MTFR2: variants seen among roughly 807,000 people sequenced by gnomAD.
The protein encoded by MTFR2 is mitochondrial fission regulator 2.
A neutral mutation model predicts 41.2 loss-of-function variants in MTFR2; 44 were observed. The ratio of observed to expected loss-of-function variants is 1.07; its 90% CI spans 0.84 to 1.37. The LOEUF is 1.37. Ranked by LOEUF, MTFR2 falls within the 40% of genes most tolerant of loss-of-function variation. The probability of loss-of-function intolerance (pLI) is 0.00; values close to 1 mark genes in which losing one functional copy is unlikely to be tolerated. For synonymous variants in MTFR2, 141 were observed against 154.6 expected, an observed-to-expected ratio of 0.91 and a Z score of 0.65; for missense variants, 452 against 459.5, an observed-to-expected ratio of 0.98 and a Z score of 0.15.
chr6:136,231,691 AAG>A (rs1330257090), intron 7 of MTFR2, among the ~76,000 whole-genome samples: 5 of 148,772 alleles, frequency 3.4e-5, no homozygotes, highest in Admixed American at 2.1e-4. Flanking sequence ...AAAAAAAAAA[AAG>A]AAGATTATCT....
chr6:136,232,687 T>C lies in MTFR2; in HGVS notation c.1044+638A>G, dbSNP rs189218731. Among the ~76,000 whole-genome samples the C allele has an allele frequency of 3.0e-3, 456 of 152,324 alleles. 3 individuals carry two copies. The highest frequency in any genetic ancestry group is 4.2e-3 in the Non-Finnish European group (289 of 68,018). On this transcript the variant is annotated intron_variant, in intron 7 of 7. Coordinates refer to ENST00000420702, the MANE Select transcript of MTFR2 (RefSeq NM_001099286.3). ...CTCCTGTCATTCTCAAGGCTTATTC[T>C]TATGTGTTAATACTACCTCAACTAA...
At position 136,231,190 on chromosome 6, in the gene MTFR2, C is replaced by G. The variant is rs953764633; in HGVS notation, c.*85G>C. 1 of 891,884 alleles carries G rather than the reference C, an allele frequency of 1.1e-6. No individual in the cohort carries two copies. The highest frequency in any genetic ancestry group is 1.7e-5 in the African/African-American group (1 of 59,170). 55.2% of individuals were successfully genotyped at this position (891,884 alleles called of 1,614,324 possible). The stretch of plus-strand genomic sequence containing the variant: ...GTCTTTAAATACATCTACTTTTAGC[C>G]TTTAACAGTCCAAATCAGTTTCTAA... On this transcript the variant is annotated 3_prime_UTR_variant, in exon 8 of 8. Transcript: ENST00000420702.
intron 6 of MTFR2, among the ~76,000 whole-genome samples, chr6:136,234,954 G>C (rs1779865884): frequency 6.6e-6 from 1 of 152,198 alleles, no homozygotes; most frequent in Non-Finnish European, 1.5e-5. Context: ...CTGGAGTATA[G>C]TGGCTCACTG....
chr6:136,247,473 G>A lies in MTFR2; in HGVS notation c.63+1564C>T, dbSNP rs144582074. The A allele has an allele frequency of 2.3e-4, 106 of 455,204 alleles. 1 individual carries two copies. Among genetic ancestry groups the A allele is most frequent in the African/African-American group, 1.3e-3 (64 of 50,070 alleles). 28.2% of individuals were successfully genotyped at this position (455,204 alleles called of 1,614,324 possible). On this transcript the variant is annotated intron_variant, in intron 2 of 7. Transcript: ENST00000420702. The stretch of plus-strand genomic sequence containing the variant: ...CTTGCCCAACTACCTTCTCAAAGGC[G>A]GTGCTCAATCCTCTCTCATGTGGAT...
intron 6 of MTFR2, among the ~76,000 whole-genome samples, chr6:136,239,199 A>G (rs1261331792): frequency 6.6e-6 from 1 of 152,214 alleles, no homozygotes; most frequent in African/African-American, 2.4e-5. Flanking sequence ...CTAAGAAAAT[A>G]TATTCCTAAT....
At position 136,233,254 on chromosome 6, in the gene MTFR2, A is replaced by G. The variant is rs753846900; in HGVS notation, c.1044+71T>C. On this transcript the variant is annotated intron_variant, in intron 7 of 7. Coordinates refer to ENST00000420702, the MANE Select transcript of MTFR2 (RefSeq NM_001099286.3). ...GCACAATTACTTCAAGAGAACTTGA[A>G]CACAAAGCTGTAACATAAACAACAC... The G allele has an allele frequency of 2.2e-6, 3 of 1,346,336 alleles. No homozygotes were observed. The Admixed American group carries it at 5.5e-5, about 25-fold the overall frequency. The allele number at this position is 1,346,336 out of a possible 1,614,324, so 83.4% of individuals were successfully genotyped here.
chr6:136,243,052 G>A (rs1232551387), intron 3 of MTFR2, 79 bp from the exon 4 acceptor site: 3 of 835,822 alleles, frequency 3.6e-6, no homozygotes, highest in Non-Finnish European at 5.4e-6. Context: ...TATTAAATTA[G>A]TTAACAATCC....
chr6:136,242,887 A>C lies in MTFR2; in HGVS notation c.255T>G (p.Asp85Glu). Residue 85 changes from aspartate to glutamate, a missense_variant, in exon 4 of 8, where the codon GAT becomes GAG. By Grantham distance (45) the Asp-to-Glu change is conservative. Coordinates refer to ENST00000420702, the MANE Select transcript of MTFR2 (RefSeq NM_001099286.3). Reference protein sequence around the residue: ...SFADILYVANDEEASYLRFRN... With the variant: ...SFADILYVANEEEASYLRFRN... Reference sequence around the variant, plus strand: ...GAAATCTGAGATAACTGGCTTCTTCATCATTTGCCACATACAAAATATCAG... The same window carrying C: ...GAAATCTGAGATAACTGGCTTCTTCCTCATTTGCCACATACAAAATATCAG... The C allele has an allele frequency of 6.2e-7, 1 of 1,613,116 alleles. No individual in the cohort carries two copies. Among genetic ancestry groups the C allele is most frequent in the Non-Finnish European group, 8.5e-7 (1 of 1,179,744 alleles).
intron 6 of MTFR2, among the ~76,000 whole-genome samples, chr6:136,237,444 C>A (rs1198233781): frequency 1.3e-5 from 2 of 152,176 alleles, no homozygotes; most frequent in Non-Finnish European, 2.9e-5. Flanking sequence ...TTAATACTGT[C>A]AGTGGGATAA....
At chr6:136,236,140 A>G (rs1253254791) in intron 6 of MTFR2, among the ~76,000 whole-genome samples, 4 of 152,218 alleles carry the variant, frequency 2.6e-5, no homozygotes, top group Non-Finnish European at 4.4e-5. Context: ...AATTCATATC[A>G]GAAAGGGGAG....
intron 3 of MTFR2, among the ~76,000 whole-genome samples, chr6:136,243,215 T>C (rs1411803800): frequency 6.6e-6 from 1 of 152,166 alleles, no homozygotes; most frequent in Non-Finnish European, 1.5e-5. Flanking sequence ...AAAATAAAAT[T>C]AAGCTCTTCA....
chr6:136,244,969 G>T, intron 2 of MTFR2, 100 bp from the exon 3 acceptor site: 9 of 819,802 alleles, frequency 1.1e-5, no homozygotes, highest in East Asian at 3.0e-5. Context: ...AAGACGCAGT[G>T]GCATTTTTTT....
In MTFR2 at chr6:136,239,040, C is replaced by T. The variant is rs139427579; in HGVS notation, c.869+426G>A. The stretch of plus-strand genomic sequence containing the variant: ...CTGTAATTTCAACACTGCCCTACAG[C>T]CTGGGTTACAATATGAGAAATGGCT... On this transcript the variant is annotated intron_variant, in intron 6 of 7. Coordinates refer to ENST00000420702, the MANE Select transcript of MTFR2 (RefSeq NM_001099286.3). 1.6e-4 allele frequency among the ~76,000 whole-genome samples: 24 copies of T among 152,234 alleles called. No homozygotes were observed. The East Asian group carries it at 4.2e-3, about 27-fold the overall frequency.
chr6:136,241,468 C>T lies in MTFR2; in HGVS notation c.490G>A (p.Glu164Lys), dbSNP rs1780067162. The part of the protein sequence containing the change: ...SQIAAIVEMQ[E>K]LKNSTNSSSF... ...CTAGAATTTGTACTATTTTTCAGTT[C>T]CTGCATTTCCACAATTGCTGCAATC... Residue 164 changes from glutamate to lysine, a missense_variant, in exon 5 of 8, where the codon GAA (glutamate) becomes AAA (lysine). Coordinates refer to ENST00000420702, the MANE Select transcript of MTFR2 (RefSeq NM_001099286.3). 2.5e-6 allele frequency: 4 copies of T among 1,613,188 alleles called. No individual in the cohort carries two copies. The highest frequency in any genetic ancestry group is 3.4e-6 in the Non-Finnish European group (4 of 1,179,704).
At position 136,231,269 on chromosome 6, in the gene MTFR2, T is replaced by G; in HGVS notation, c.*6A>C. On this transcript the variant is annotated 3_prime_UTR_variant, in exon 8 of 8. Transcript: ENST00000420702. ...TGGAAGTTTAAAGCTCAACCTTAAG[T>G]TGAGTTTAAATCCTTGAGTTTAGAA... 1 of 1,581,278 alleles carries G rather than the reference T, an allele frequency of 6.3e-7. No homozygotes were observed. Among genetic ancestry groups the G allele is most frequent in the Non-Finnish European group, 8.7e-7 (1 of 1,154,546 alleles).
intron 5 of MTFR2, 152 bp downstream of exon 5, chr6:136,241,292 G>T: frequency 8.4e-6 from 5 of 593,152 alleles, no homozygotes; most frequent in South Asian, 4.7e-5. Flanking sequence ...ATGTTTTCAT[G>T]GTACTTATTC....
intron 5 of MTFR2, among the ~76,000 whole-genome samples, chr6:136,241,035 G>A (rs1287035981): frequency 6.7e-6 from 1 of 149,860 alleles, no homozygotes; most frequent in Non-Finnish European, 1.5e-5. Context: ...AGCTTGCAGT[G>A]AGCCAAGATC....
intron 5 of MTFR2, among the ~76,000 whole-genome samples, 172 bp downstream of exon 5, chr6:136,241,272 T>C (rs1780062814): frequency 6.6e-6 from 1 of 152,212 alleles, no homozygotes; most frequent in Non-Finnish European, 1.5e-5. Flanking sequence ...CATCCTTTTA[T>C]GTACATTTAA....
chr6:136,246,068 A>G (rs904125064), intron 2 of MTFR2, among the ~76,000 whole-genome samples: 3 of 152,086 alleles, frequency 2.0e-5, no homozygotes, highest in Non-Finnish European at 4.4e-5. Flanking sequence ...TCATCTGCGT[A>G]CCCCTGCTAA....
Sources: gnomAD v4.1 joint callset for allele counts (sites outside exome capture counted in the v4.1 genomes callset) on GRCh38, gnomAD v4.1.1 for gene constraint, MANE v1.5 for transcripts, NCBI Gene and HGNC (gene_info 2026-07-23, HGNC 2026-07-21) for gene names.